Variants in RRP15 observed in about 807,000 individuals in gnomAD.
RRP15 encodes RRP15-like protein.
In RRP15, 18 loss-of-function variants were observed where a neutral mutation model predicts 27.1. The ratio of observed to expected loss-of-function variants is 0.66; its 90% CI spans 0.46 to 0.98. RRP15 has a LOEUF of 0.98. Among genes scored for constraint, RRP15 ranks in the 50% least tolerant of loss-of-function variants. The pLI is 0.00. For missense variants in RRP15, 359 were observed against 337.8 expected, an observed-to-expected ratio of 1.06 and a Z score of -0.49; for synonymous variants, 107 against 109.4, an observed-to-expected ratio of 0.98 and a Z score of 0.14.
At position 218,307,412 on chromosome 1, in the gene RRP15, G is replaced by A; in HGVS notation, c.504-19G>A. 6.3e-7 allele frequency: 1 copy of A among 1,594,876 alleles called. No homozygotes were observed. Among genetic ancestry groups the A allele is most frequent in the Non-Finnish European group, 8.6e-7 (1 of 1,165,656 alleles). On this transcript the variant is annotated intron_variant, in intron 3 of 4. Coordinates refer to ENST00000366932, the MANE Select transcript of RRP15 (RefSeq NM_016052.4). ...GGTAATTATTTAATACATCATTCTG[G>A]TCATTTTATATTCTACAGGGGTGTG... is the stretch of plus-strand genomic sequence containing the variant.
Position 218,331,175 on chromosome 1 carries a change from T to C in RRP15, c.*84T>C. ...TCTGATAGTTGGGGAATTATAAGGATACCATTTGTAAGAAAGCCAAAAGAC... is the reference window on the plus strand; with the variant it reads ...TCTGATAGTTGGGGAATTATAAGGACACCATTTGTAAGAAAGCCAAAAGAC... On this transcript the variant is annotated 3_prime_UTR_variant, in exon 5 of 5. Transcript: ENST00000366932. 7.6e-7 allele frequency: 1 copy of C among 1,315,080 alleles called. No homozygotes were observed. The highest frequency in any genetic ancestry group is 1.0e-6 in the Non-Finnish European group (1 of 974,816). 81.5% of individuals were successfully genotyped at this position (1,315,080 alleles called of 1,614,324 possible).
At position 218,332,615 on chromosome 1, in the gene RRP15, G is replaced by A. The variant is rs1413192704; in HGVS notation, c.*1524G>A. 2 of 152,066 alleles carry A rather than the reference G, an allele frequency of 1.3e-5. No homozygotes were observed. Among genetic ancestry groups the A allele is most frequent in the African/African-American group, 4.8e-5 (2 of 41,404 alleles). The allele number at this position is 152,066 out of a possible 1,614,324, so 9.4% of individuals were successfully genotyped here. A position where few individuals can be genotyped will look rare whatever the true frequency, so the allele number is the denominator to read the frequency against. Reference sequence around the variant, plus strand: ...CCATTTGAGTGTTACAGTATTATATGACTAAAGCTGAATCAGTCTGTGGCC... The same window carrying A: ...CCATTTGAGTGTTACAGTATTATATAACTAAAGCTGAATCAGTCTGTGGCC... On this transcript the variant is annotated 3_prime_UTR_variant, in exon 5 of 5. Coordinates refer to ENST00000366932, the MANE Select transcript of RRP15 (RefSeq NM_016052.4).
chr1:218,302,035 G>T, intron 1 of RRP15: 1 of 399,626 alleles, frequency 2.5e-6, no homozygotes, highest in Non-Finnish European at 4.5e-6. Context: ...TGTTGGATTT[G>T]TTTCTGCTGC....
At position 218,336,095 on chromosome 1, in the gene RRP15, C is replaced by T. The variant is rs1312395217; in HGVS notation, c.*5004C>T. On this transcript the variant is annotated 3_prime_UTR_variant, in exon 5 of 5. Coordinates refer to ENST00000366932, the MANE Select transcript of RRP15 (RefSeq NM_016052.4). ...TACCACCATGTAAGGAGTGAATTCC[C>T]ATGTTTTTCACTTATATCTAGAGGC... is the stretch of plus-strand genomic sequence containing the variant. 6.6e-6 allele frequency: 1 copy of T among 152,058 alleles called. No homozygotes were observed. The highest frequency in any genetic ancestry group is 2.4e-5 in the African/African-American group (1 of 41,376). 9.4% of individuals were successfully genotyped at this position (152,058 alleles called of 1,614,324 possible). A position where few individuals can be genotyped will look rare whatever the true frequency, so the allele number is the denominator to read the frequency against.
intron 4 of RRP15, among the ~76,000 whole-genome samples, chr1:218,326,405 C>T (rs1656272946): frequency 6.6e-6 from 1 of 152,066 alleles, no homozygotes; most frequent in Non-Finnish European, 1.5e-5. Context: ...GATATTTTTC[C>T]CTAAATTTTT....
At chr1:218,327,789 C>T (rs1015138992) in intron 4 of RRP15, among the ~76,000 whole-genome samples, 1 of 152,098 alleles carries the variant, frequency 6.6e-6, no homozygotes, top group African/African-American at 2.4e-5. Flanking sequence ...TTAAGGCATA[C>T]AGTGCTGAAT....
chr1:218,315,605 T>C (rs1656077331), intron 4 of RRP15, among the ~76,000 whole-genome samples: 2 of 148,834 alleles, frequency 1.3e-5, no homozygotes, highest in South Asian at 4.2e-4. Flanking sequence ...ATTTTTTTAT[T>C]ATTTTATTTT....
intron 1 of RRP15, among the ~76,000 whole-genome samples, chr1:218,293,369 G>T (rs901759360): frequency 6.6e-6 from 1 of 152,156 alleles, no homozygotes; most frequent in African/African-American, 2.4e-5. Context: ...TCAGGTAGTT[G>T]TATACATGTG....
chr1:218,292,591 A>C (rs11118070), intron 1 of RRP15, among the ~76,000 whole-genome samples: 4,490 of 152,354 alleles, frequency 0.029, 89 homozygotes, highest in East Asian at 0.073. Flanking sequence ...CAAAAGTGCC[A>C]TGAGTATTGA....
At chr1:218,304,929 G>C in intron 2 of RRP15, 99 bp from the exon 3 acceptor site, 1 of 1,119,232 alleles carries the variant, frequency 8.9e-7, no homozygotes, top group Non-Finnish European at 1.3e-6. Flanking sequence ...AAGCCAGAAT[G>C]ATTTATTACC....
rs1656446065 is a variant in RRP15 at position 218,336,266 on chromosome 1, A to T, written c.*5175A>T. 1 of 152,626 alleles carries T rather than the reference A, an allele frequency of 6.6e-6. No homozygotes were observed. The highest frequency in any genetic ancestry group is 1.5e-5 in the Non-Finnish European group (1 of 68,074). The allele number at this position is 152,626 out of a possible 1,614,324, so 9.5% of individuals were successfully genotyped here. A position where few individuals can be genotyped will look rare whatever the true frequency, so the allele number is the denominator to read the frequency against. On this transcript the variant is annotated 3_prime_UTR_variant, in exon 5 of 5. Transcript: ENST00000366932. ...TCAGGCAAAACACACACACACACAC[A>T]CACAAAACCCTGAAGAGCACAATGA...
At chr1:218,313,034 T>G (rs993700718) in intron 4 of RRP15, among the ~76,000 whole-genome samples, 1 of 152,234 alleles carries the variant, frequency 6.6e-6, no homozygotes, top group African/African-American at 2.4e-5. Context: ...GTAAGTGATC[T>G]GGTCAGATTT....
At chr1:218,304,376 A>G (rs1409576120) in intron 2 of RRP15, among the ~76,000 whole-genome samples, 1 of 152,208 alleles carries the variant, frequency 6.6e-6, no homozygotes, top group South Asian at 2.1e-4. Flanking sequence ...TTTAAAGACA[A>G]GTTCAAACTA....
chr1:218,291,170 G>A (rs1342338485), intron 1 of RRP15, among the ~76,000 whole-genome samples: 1 of 151,740 alleles, frequency 6.6e-6, no homozygotes, highest in Non-Finnish European at 1.5e-5. Context: ...GGACATGGTG[G>A]CTCACACCTG....
chr1:218,322,652 G>A (rs1051553014), intron 4 of RRP15, among the ~76,000 whole-genome samples: 1 of 151,844 alleles, frequency 6.6e-6, no homozygotes, highest in African/African-American at 2.4e-5. Flanking sequence ...ACTCTTCATA[G>A]CTCCTATCTC....
intron 1 of RRP15, among the ~76,000 whole-genome samples, chr1:218,299,357 T>C (rs187930432): frequency 9.5e-4 from 145 of 152,248 alleles, no homozygotes; most frequent in African/African-American, 3.2e-3. Flanking sequence ...TATAAAATGG[T>C]GCTATAAACT....
At chr1:218,290,857 G>C (rs145510011) in intron 1 of RRP15, among the ~76,000 whole-genome samples, 1 of 152,114 alleles carries the variant, frequency 6.6e-6, no homozygotes, top group Non-Finnish European at 1.5e-5. Context: ...GGCCACATGC[G>C]GGGGGCATAC....
chr1:218,336,113 C>A lies in RRP15; in HGVS notation c.*5022C>A, dbSNP rs1032614871. The A allele has an allele frequency of 4.6e-5, 7 of 152,068 alleles. No homozygotes were observed. Among genetic ancestry groups the A allele is most frequent in the African/African-American group, 1.7e-4 (7 of 41,388 alleles). 9.4% of individuals were successfully genotyped at this position (152,068 alleles called of 1,614,324 possible). A position where few individuals can be genotyped will look rare whatever the true frequency, so the allele number is the denominator to read the frequency against. Reference sequence around the variant, plus strand: ...GAATTCCCATGTTTTTCACTTATATCTAGAGGCCTACTTATTTAGGAGGTT... The same window carrying A: ...GAATTCCCATGTTTTTCACTTATATATAGAGGCCTACTTATTTAGGAGGTT... On this transcript the variant is annotated 3_prime_UTR_variant, in exon 5 of 5. Transcript: ENST00000366932.
chr1:218,300,168 C>T (rs1205408290), intron 1 of RRP15, among the ~76,000 whole-genome samples: 2 of 152,028 alleles, frequency 1.3e-5, no homozygotes, highest in African/African-American at 2.4e-5. Flanking sequence ...ATATGCAGCT[C>T]TATTAGCATG....
Sources: allele counts gnomAD v4.1 joint callset (sites outside exome capture counted in the v4.1 genomes callset), GRCh38; gene constraint gnomAD v4.1.1; transcripts MANE v1.5; gene names NCBI Gene and HGNC (gene_info 2026-07-23, HGNC 2026-07-21).